Variants in ANKS1B observed in about 807,000 individuals in gnomAD.
ANKS1B encodes the protein ankyrin repeat and sterile alpha motif domain containing 1B.
Under a neutral mutation model 148.3 loss-of-function variants are expected in ANKS1B, and 36 were observed. That is an observed-to-expected ratio of 0.24 (90% CI 0.19 to 0.32). The LOEUF is 0.32. Among genes scored for constraint, ANKS1B ranks in the 10% least tolerant of loss-of-function variants. The pLI, the probability that ANKS1B is intolerant of heterozygous loss-of-function variation, is 1.00. For missense variants in ANKS1B, 1,157 were observed against 1,542.6 expected (o/e 0.75, Z 4.19); for synonymous variants, 542 against 560.8 (o/e 0.97, Z 0.47).
At chr12:99,543,504 C>T (rs1373287100) in intron 9 of ANKS1B, among the ~76,000 whole-genome samples, 3 of 152,172 alleles carry the variant, frequency 2.0e-5, no homozygotes, top group Admixed American at 6.5e-5. Flanking sequence ...AACAAATGTT[C>T]ATACAAAAAC....
intron 9 of ANKS1B, among the ~76,000 whole-genome samples, chr12:99,505,040 G>A (rs577189881): frequency 6.6e-6 from 1 of 152,150 alleles, no homozygotes. Flanking sequence ...GTAAGATGAA[G>A]TTTGCTAAAA....
At chr12:99,456,968 A>G (rs942026389) in intron 10 of ANKS1B, among the ~76,000 whole-genome samples, 1 of 152,182 alleles carries the variant, frequency 6.6e-6, no homozygotes, top group African/African-American at 2.4e-5. Context: ...GGCACCTGAT[A>G]GTCATCAGGT....
At chr12:99,915,164 G>A (rs1015891988) in intron 1 of ANKS1B, among the ~76,000 whole-genome samples, 2 of 148,656 alleles carry the variant, frequency 1.3e-5, no homozygotes, top group African/African-American at 5.0e-5. Context: ...GGCGGAGGTT[G>A]CAGTGAGCTG....
At chr12:99,053,424 G>T in intron 16 of ANKS1B, 115 bp from the exon 17 acceptor site, 1 of 767,786 alleles carries the variant, frequency 1.3e-6, no homozygotes. Context: ...TTCTGGAGAC[G>T]GAAACAAGGA....
At chr12:99,805,263 C>CAAAGAAAAAAAAA (rs2067457173) in intron 4 of ANKS1B, among the ~76,000 whole-genome samples, 1 of 28,908 alleles carries the variant, frequency 3.5e-5, no homozygotes, top group Non-Finnish European at 5.8e-5. Flanking sequence ...GAGGAAAAGG[C>CAAAGAAAAAAAAA]AAAAAAAAAA....
intron 8 of ANKS1B, among the ~76,000 whole-genome samples, chr12:99,668,670 G>T: frequency 6.7e-6 from 1 of 148,666 alleles, no homozygotes; most frequent in African/African-American, 2.5e-5. Flanking sequence ...GAGCTTCTTG[G>T]GTTGGTGTTT....
At chr12:99,649,703 C>T (rs2098405439) in intron 9 of ANKS1B, 2 of 274,084 alleles carry the variant, frequency 7.3e-6, no homozygotes, top group East Asian at 1.7e-4. Flanking sequence ...TAAAAGGGTA[C>T]TTCAAGCATA....
At chr12:99,614,544 T>C (rs1454986741) in intron 9 of ANKS1B, among the ~76,000 whole-genome samples, 4 of 148,594 alleles carry the variant, frequency 2.7e-5, no homozygotes, top group African/African-American at 9.8e-5. Context: ...GGATTTTCCA[T>C]GTACTAACAG....
At chr12:99,747,306 T>C (rs1335773609) in intron 8 of ANKS1B, among the ~76,000 whole-genome samples, 1 of 151,968 alleles carries the variant, frequency 6.6e-6, no homozygotes, top group Non-Finnish European at 1.5e-5. Context: ...GTTTTCTGAG[T>C]TGCAGAAGAG....
At chr12:99,320,069 T>C (rs1016124924) in intron 12 of ANKS1B, among the ~76,000 whole-genome samples, 2 of 152,240 alleles carry the variant, frequency 1.3e-5, no homozygotes, top group Non-Finnish European at 2.9e-5. Context: ...CCACTCTTAG[T>C]CTGATCGGCT....
intron 17 of ANKS1B, among the ~76,000 whole-genome samples, chr12:98,905,822 T>C (rs1596616446): frequency 6.6e-6 from 1 of 151,868 alleles, no homozygotes; most frequent in Admixed American, 6.6e-5. Context: ...AGCCAGGCAT[T>C]TTTCAGCCAC....
intron 1 of ANKS1B, among the ~76,000 whole-genome samples, chr12:99,955,625 A>C (rs1036208454): frequency 6.6e-6 from 1 of 150,796 alleles, no homozygotes; most frequent in African/African-American, 2.4e-5. Flanking sequence ...AACAGTTTAC[A>C]TGTGTTAAGA....
chr12:99,426,590 A>G (rs998327251), intron 11 of ANKS1B, among the ~76,000 whole-genome samples: 2 of 152,194 alleles, frequency 1.3e-5, no homozygotes, highest in Non-Finnish European at 2.9e-5. Flanking sequence ...AATTTCACAG[A>G]CTAGTAAGAG....
chr12:99,089,114 C>T (rs1053871627), intron 15 of ANKS1B, among the ~76,000 whole-genome samples: 5 of 151,980 alleles, frequency 3.3e-5, no homozygotes, highest in African/African-American at 7.2e-5. Context: ...CGTGAGCAAC[C>T]GCTCATTTTT....
At position 99,472,595 on chromosome 12, in the gene ANKS1B, A is replaced by G. The variant is rs1241291202; in HGVS notation, c.1439-28786T>C. Among the ~76,000 whole-genome samples the G allele has an allele frequency of 2.0e-5, 3 of 152,128 alleles. No homozygotes were observed. The East Asian group carries it at 5.8e-4, about 29-fold the overall frequency. ...TAACTAATACATAGAGTTCCACTTTATTAAAACATATCCTTTGATTACCTT... is the reference window on the plus strand; with the variant it reads ...TAACTAATACATAGAGTTCCACTTTGTTAAAACATATCCTTTGATTACCTT... On this transcript the variant is annotated intron_variant, in intron 10 of 26. Coordinates refer to ENST00000683438, the MANE Select transcript of ANKS1B (RefSeq NM_001352186.2).
At chr12:99,189,496 C>T (rs879820727) in intron 14 of ANKS1B, among the ~76,000 whole-genome samples, 10 of 152,118 alleles carry the variant, frequency 6.6e-5, no homozygotes, top group East Asian at 1.9e-4. Context: ...TTATCTACCA[C>T]GATCAAGTTG....
intron 8 of ANKS1B, among the ~76,000 whole-genome samples, chr12:99,695,215 A>G (rs2153510396): frequency 6.6e-6 from 1 of 152,356 alleles, no homozygotes; most frequent in East Asian, 1.9e-4. Context: ...ACAAATTACT[A>G]AAATCAGCTT....
intron 17 of ANKS1B, among the ~76,000 whole-genome samples, chr12:98,979,099 G>A (rs949947261): frequency 1.3e-5 from 2 of 151,222 alleles, no homozygotes; most frequent in Non-Finnish European, 2.9e-5. Context: ...CTGAGATTGC[G>A]CCACTGCACT....
intron 12 of ANKS1B, among the ~76,000 whole-genome samples, chr12:99,277,529 T>C (rs528439531): frequency 6.6e-6 from 1 of 152,320 alleles, no homozygotes; most frequent in African/African-American, 2.4e-5. Flanking sequence ...TAAAGCTATG[T>C]GTACACATGA....
Sources: allele counts gnomAD v4.1 joint callset (sites outside exome capture counted in the v4.1 genomes callset), GRCh38; gene constraint gnomAD v4.1.1; transcripts MANE v1.5; gene names NCBI Gene and HGNC (gene_info 2026-07-23, HGNC 2026-07-21).